BFAR: variants seen among roughly 807,000 people sequenced by gnomAD.
BFAR encodes RING finger protein 47.
BFAR carries 52 observed loss-of-function variants against 54.4 expected under a neutral mutation model. The observed-to-expected ratio is 0.96, with a 90% CI of 0.77 to 1.21. The LOEUF (loss-of-function observed/expected upper bound fraction) is 1.21, where lower values mean the gene tolerates loss of function less well. BFAR is among the 50% of genes most tolerant of loss of function. The probability of loss-of-function intolerance (pLI) is 0.00; values close to 1 mark genes in which losing one functional copy is unlikely to be tolerated. For missense variants in BFAR, 571 were observed against 534.0 expected, an observed-to-expected ratio of 1.07 and a Z score of -0.68; for synonymous variants, 215 against 204.3, an observed-to-expected ratio of 1.05 and a Z score of -0.45.
rs549475378 is a variant in BFAR at position 14,637,847 on chromosome 16, A to AT, written c.-74+4838dup. Among the ~76,000 whole-genome samples, 58 of 148,374 alleles carry AT rather than the reference A, an allele frequency of 3.9e-4. No homozygotes were observed. The East Asian group carries it at 9.7e-3, about 25-fold the overall frequency. ...CCATCTCAGAAAAAAAAAAAAAGTC[A>AT]TTTTTTTTTCCTGCAATGTATTTTA... On this transcript the variant is annotated intron_variant, in intron 1 of 7. Transcript: ENST00000261658.
chr16:14,658,771 C>T (rs978473298), intron 5 of BFAR, among the ~76,000 whole-genome samples: 1 of 151,890 alleles, frequency 6.6e-6, no homozygotes, highest in African/African-American at 2.4e-5. Flanking sequence ...GGCTCCCTTA[C>T]CCTCACTATC....
At chr16:14,659,526 G>GA (rs1960230554) in intron 5 of BFAR, among the ~76,000 whole-genome samples, 1 of 149,118 alleles carries the variant, frequency 6.7e-6, no homozygotes, top group African/African-American at 2.5e-5. Flanking sequence ...TTACAGGCGT[G>GA]AGCCACCATG....
In BFAR at chr16:14,646,026, GC is replaced by G. The variant is rs570481429; in HGVS notation, c.263+1420del. ...TGGGATTACAGGAGCCTGCTACCAC[GC>G]CCAGCTAATTTTTGGGTTTTTTTGT... On this transcript the variant is annotated intron_variant, in intron 2 of 7. Transcript: ENST00000261658. 2.0e-5 allele frequency among the ~76,000 whole-genome samples: 3 copies of G among 152,080 alleles called. No homozygotes were observed. The East Asian group carries it at 5.8e-4, about 29-fold the overall frequency.
At chr16:14,650,122 G>A in intron 4 of BFAR, 149 bp downstream of exon 4, 1 of 683,632 alleles carries the variant, frequency 1.5e-6, no homozygotes, top group East Asian at 3.2e-5. Context: ...AGGAGTTCCA[G>A]ACCAGCCTGA....
chr16:14,642,147 A>G (rs562307640), intron 1 of BFAR, among the ~76,000 whole-genome samples: 174 of 152,336 alleles, frequency 1.1e-3, no homozygotes, highest in Non-Finnish European at 2.1e-3. Flanking sequence ...CTGCATGGCC[A>G]GTGTGGGCGG....
At chr16:14,651,300 C>T (rs1417585246) in intron 4 of BFAR, among the ~76,000 whole-genome samples, 6 of 152,250 alleles carry the variant, frequency 3.9e-5, no homozygotes, top group East Asian at 1.9e-4. Context: ...CAAGGAAACA[C>T]GTACTTTCAC....
At chr16:14,650,235 C>T (rs554872924) in intron 4 of BFAR, 1 of 295,676 alleles carries the variant, frequency 3.4e-6, no homozygotes, top group Non-Finnish European at 6.2e-6. Flanking sequence ...GAGGCTGAGA[C>T]AGGAGAATCA....
chr16:14,633,503 C>G (rs1266074415), intron 1 of BFAR: 3 of 152,234 alleles, frequency 2.0e-5, no homozygotes, highest in Non-Finnish European at 4.4e-5. Context: ...TGGCCTAAGG[C>G]GGAGCGATTG....
At chr16:14,667,541 C>T (rs768441662) in intron 7 of BFAR, 94 bp from the exon 8 acceptor site, 46 of 1,204,636 alleles carry the variant, frequency 3.8e-5, no homozygotes, top group Non-Finnish European at 5.0e-5. Context: ...GGCAGCCATG[C>T]TCTTCCCAGC....
chr16:14,639,012 A>G (rs1361701310), intron 1 of BFAR, among the ~76,000 whole-genome samples: 1 of 152,192 alleles, frequency 6.6e-6, no homozygotes, highest in Non-Finnish European at 1.5e-5. Context: ...TAAACGCAGT[A>G]AGAATGATTG....
At chr16:14,660,742 A>G (rs946444701) in intron 5 of BFAR, among the ~76,000 whole-genome samples, 2 of 151,532 alleles carry the variant, frequency 1.3e-5, no homozygotes, top group Non-Finnish European at 2.9e-5. Context: ...GTCTACTGAA[A>G]ATACAAAAAT....
Position 14,635,106 on chromosome 16 carries a change from G to C in BFAR, c.-74+2088G>C, listed in dbSNP as rs115567048. On this transcript the variant is annotated intron_variant, in intron 1 of 7. Transcript: ENST00000261658. ...TCCCTGCACTTTGGGATGCCAAGGC[G>C]GGCAGATTGCTTGAGCTCAGGTGTT... Among the ~76,000 whole-genome samples, 7 of 152,264 alleles carry C rather than the reference G, an allele frequency of 4.6e-5. No individual in the cohort carries two copies. In the East Asian group the frequency reaches 1.2e-3, roughly 25 times the overall value.
At chr16:14,664,321 G>A (rs902692993) in intron 6 of BFAR, among the ~76,000 whole-genome samples, 1 of 150,586 alleles carries the variant, frequency 6.6e-6, no homozygotes, top group African/African-American at 2.4e-5. Context: ...AACCCAGGAG[G>A]TGGAGGCTGC....
chr16:14,638,092 T>C (rs1959509459), intron 1 of BFAR, among the ~76,000 whole-genome samples: 2 of 152,208 alleles, frequency 1.3e-5, no homozygotes, highest in East Asian at 3.8e-4. Flanking sequence ...ACCTTCTTGC[T>C]GAGAAACAAT....
At chr16:14,633,715 C>T (rs1040533862) in intron 1 of BFAR, among the ~76,000 whole-genome samples, 3 of 152,152 alleles carry the variant, frequency 2.0e-5, no homozygotes, top group Non-Finnish European at 2.9e-5. Context: ...TGCGGTGGAG[C>T]AATCTCGGCT....
At chr16:14,636,592 C>T (rs992708203) in intron 1 of BFAR, among the ~76,000 whole-genome samples, 3 of 152,316 alleles carry the variant, frequency 2.0e-5, no homozygotes, top group Non-Finnish European at 4.4e-5. Context: ...CATTCCATTG[C>T]CCAGGGACGG....
At chr16:14,657,283 C>T (rs1383579762) in intron 5 of BFAR, among the ~76,000 whole-genome samples, 4 of 151,612 alleles carry the variant, frequency 2.6e-5, no homozygotes, top group Admixed American at 2.0e-4. Flanking sequence ...GTGTCTCGCT[C>T]TGTCGCCCAG....
In BFAR at chr16:14,644,283, G is replaced by T; in HGVS notation, c.-64G>T. 4.2e-6 allele frequency: 6 copies of T among 1,445,014 alleles called. No homozygotes were observed. Among genetic ancestry groups the T allele is most frequent in the Non-Finnish European group, 5.7e-6 (6 of 1,052,824 alleles). The allele number at this position is 1,445,014 out of a possible 1,614,324, so 89.5% of individuals were successfully genotyped here. A position where few individuals can be genotyped will look rare whatever the true frequency, so the allele number is the denominator to read the frequency against. On this transcript the variant is annotated 5_prime_UTR_variant, in exon 2 of 8. An upstream start codon of the reference 5' UTR is lost. Coordinates refer to ENST00000261658, the MANE Select transcript of BFAR (RefSeq NM_016561.3). ...TGTTTTTTTTTTCTAGATTAATGAT[G>T]TTTTGCAGCAGTTTTCTACGTCTGA...
At chr16:14,650,612 T>G (rs1205511623) in intron 4 of BFAR, 1 of 152,228 alleles carries the variant, frequency 6.6e-6, no homozygotes, top group African/African-American at 2.4e-5. Flanking sequence ...TGTGTCTGGC[T>G]TTTTCACTTA....
Sources: allele counts gnomAD v4.1 joint callset (sites outside exome capture counted in the v4.1 genomes callset), GRCh38; gene constraint gnomAD v4.1.1; transcripts MANE v1.5; gene names NCBI Gene and HGNC (gene_info 2026-07-23, HGNC 2026-07-21).